ABCC9: variants seen among roughly 807,000 people sequenced by gnomAD.
The protein encoded by ABCC9 is ATP-binding cassette sub-family C member 9.
In ABCC9, 95 loss-of-function variants were observed where a neutral mutation model predicts 188.3. The observed-to-expected ratio is 0.50, with a 90% CI of 0.43 to 0.60. The LOEUF (loss-of-function observed/expected upper bound fraction) is 0.60. Among genes scored for constraint, ABCC9 ranks in the 20% least tolerant of loss-of-function variants. ABCC9 has a pLI of 0.00. For missense variants in ABCC9, 1,102 were observed against 1,876.3 expected, an observed-to-expected ratio of 0.59 and a Z score of 7.62; for synonymous variants, 659 against 652.7, an observed-to-expected ratio of 1.01 and a Z score of -0.15.
At chr12:21,821,765 A>C (rs1261452918) in intron 31 of ABCC9, among the ~76,000 whole-genome samples, 1 of 152,178 alleles carries the variant, frequency 6.6e-6, no homozygotes, top group Non-Finnish European at 1.5e-5. Flanking sequence ...TTGAATTAAA[A>C]TGATAATTCT....
intron 39 of ABCC9, among the ~76,000 whole-genome samples, chr12:21,803,519 G>T (rs1001591437): frequency 6.6e-6 from 1 of 151,922 alleles, no homozygotes; most frequent in African/African-American, 2.4e-5. Flanking sequence ...GCCGGGCATG[G>T]TGGTGCATGC....
At chr12:21,910,588 GATAA>G (rs1016579125) in intron 9 of ABCC9, among the ~76,000 whole-genome samples, 1 of 151,790 alleles carries the variant, frequency 6.6e-6, no homozygotes, top group African/African-American at 2.4e-5. Flanking sequence ...AACAGAAAGA[GATAA>G]ATAAATGTAA....
intron 31 of ABCC9, among the ~76,000 whole-genome samples, chr12:21,825,243 C>T (rs1044637168): frequency 6.6e-6 from 1 of 152,162 alleles, no homozygotes; most frequent in African/African-American, 2.4e-5. Flanking sequence ...GGCCATTCCT[C>T]AAGGATCTAG....
intron 31 of ABCC9, among the ~76,000 whole-genome samples, chr12:21,818,452 C>T (rs1370210804): frequency 6.9e-6 from 1 of 145,822 alleles, no homozygotes. Context: ...TCCATGCTCT[C>T]ACTATATATA....
intron 39 of ABCC9, chr12:21,805,115 G>A (rs190611513): frequency 1.2e-6 from 2 of 1,610,384 alleles, no homozygotes; most frequent in East Asian, 4.5e-5. Context: ...CTTACTGAGA[G>A]GATACTGCTA....
chr12:21,836,368 C>G (rs1944091319), intron 30 of ABCC9, among the ~76,000 whole-genome samples: 1 of 152,212 alleles, frequency 6.6e-6, no homozygotes, highest in African/African-American at 2.4e-5. Flanking sequence ...TCGCCACAGA[C>G]AGCTTCTCTG....
Position 21,804,205 on chromosome 12 carries a change from G to GA in ABCC9, c.4512+1792dup, listed in dbSNP as rs1379511817. ...TGAGTGAAAGAAATATAAGTCTATA[G>GA]AAAAGTATTCAGTGAATGTAGAAGA... is the stretch of plus-strand genomic sequence containing the variant. On this transcript the variant is annotated intron_variant, in intron 39 of 39. Transcript: ENST00000261200. 2.6e-5 allele frequency among the ~76,000 whole-genome samples: 4 copies of GA among 152,172 alleles called. No individual in the cohort carries two copies. The East Asian group carries it at 5.8e-4, about 22-fold the overall frequency.
intron 28 of ABCC9, among the ~76,000 whole-genome samples, chr12:21,843,035 A>G (rs1014015617): frequency 1.7e-4 from 26 of 152,136 alleles, no homozygotes; most frequent in Middle Eastern, 3.4e-3. Context: ...TGGTGCTTTT[A>G]GCTCAATCAC....
intron 30 of ABCC9, among the ~76,000 whole-genome samples, chr12:21,834,844 G>A (rs1943988559): frequency 6.8e-6 from 1 of 147,508 alleles, no homozygotes; most frequent in South Asian, 2.2e-4. Context: ...ACATGAGGAG[G>A]GAGCCCAGTG....
intron 31 of ABCC9, 64 bp from the exon 32 acceptor site, chr12:21,818,315 A>G (rs1942795650): frequency 3.2e-6 from 4 of 1,252,010 alleles, no homozygotes; most frequent in African/African-American, 3.0e-5. Flanking sequence ...AGTTCAATCA[A>G]TTTACAGAGG....
In ABCC9 at chr12:21,890,675, A is replaced by G. The variant is rs567234777; in HGVS notation, c.1803-2741T>C. On this transcript the variant is annotated intron_variant, in intron 14 of 39. Transcript: ENST00000261200. ...ATGAGTTCATGTCCTTTGTACGGACATGGATGAAACTGGAAACCATCATTC... is the reference window on the plus strand; with the variant it reads ...ATGAGTTCATGTCCTTTGTACGGACGTGGATGAAACTGGAAACCATCATTC... 5.3e-4 allele frequency among the ~76,000 whole-genome samples: 81 copies of G among 152,260 alleles called. 1 individual carries two copies. In the South Asian group the frequency reaches 0.017, roughly 31 times the overall value.
chr12:21,822,781 A>G (rs1943130342), intron 31 of ABCC9, among the ~76,000 whole-genome samples: 1 of 125,542 alleles, frequency 8.0e-6, no homozygotes, highest in Admixed American at 9.1e-5. Context: ...ACAGAGTGAG[A>G]CTCCGTCTCA....
intron 4 of ABCC9, among the ~76,000 whole-genome samples, chr12:21,931,518 C>G (rs1949288649): frequency 6.6e-6 from 1 of 151,916 alleles, no homozygotes; most frequent in African/African-American, 2.4e-5. Flanking sequence ...GTATTTTTAC[C>G]TGTTTTTAGG....
At chr12:21,913,188 T>C in intron 7 of ABCC9, 122 bp from the exon 8 acceptor site, 3 of 845,702 alleles carry the variant, frequency 3.5e-6, no homozygotes, top group South Asian at 3.7e-5. Flanking sequence ...GGTTTAAAAA[T>C]TGATGTTAAT....
intron 22 of ABCC9, 66 bp from the exon 23 acceptor site, chr12:21,852,571 C>G (rs1304156269): frequency 1.3e-6 from 2 of 1,566,328 alleles, no homozygotes; most frequent in Non-Finnish European, 1.7e-6. Context: ...CAATTCCTCT[C>G]GAAAATAGTA....
intron 36 of ABCC9, among the ~76,000 whole-genome samples, chr12:21,810,305 A>T (rs987535062): frequency 6.6e-6 from 1 of 152,224 alleles, no homozygotes; most frequent in Non-Finnish European, 1.5e-5. Flanking sequence ...TGCTACATAC[A>T]TACATCTCTA....
At chr12:21,817,408 T>C (rs769110595) in intron 32 of ABCC9, 101 bp from the exon 33 acceptor site, 13 of 1,108,490 alleles carry the variant, frequency 1.2e-5, no homozygotes, top group Admixed American at 3.8e-5. Context: ...ACCATTAGTG[T>C]ACATGTGTGA....
Position 21,829,766 on chromosome 12 carries a change from T to C in ABCC9, c.3567-706A>G, listed in dbSNP as rs1943649848. Among the ~76,000 whole-genome samples the C allele has an allele frequency of 2.0e-5, 3 of 152,198 alleles. No homozygotes were observed. The South Asian group carries it at 6.2e-4, about 31-fold the overall frequency. On this transcript the variant is annotated intron_variant, in intron 30 of 39. Transcript: ENST00000261200. ...TGTAGAAATGCAACTGTACCGATAT[T>C]TTGTGGCATTTATTTTACTTTTCCA...
At chr12:21,805,313 T>A in intron 39 of ABCC9, 1 of 1,613,636 alleles carries the variant, frequency 6.2e-7, no homozygotes, top group Non-Finnish European at 8.5e-7. Context: ...GACACGGTGC[T>A]GGAGAGAAAA....
Sources: allele counts gnomAD v4.1 joint callset (sites outside exome capture counted in the v4.1 genomes callset), GRCh38; gene constraint gnomAD v4.1.1; transcripts MANE v1.5; gene names NCBI Gene and HGNC (gene_info 2026-07-23, HGNC 2026-07-21).